The following GNAI1 variants were observed in gnomAD, a reference collection of about 807,000 sequenced individuals.
GNAI1 encodes G protein subunit alpha i1.
A neutral mutation model predicts 38.9 loss-of-function variants in GNAI1; 11 were observed. That is an observed-to-expected ratio of 0.28 (90% CI 0.18 to 0.47). The LOEUF is 0.47. Ranked by LOEUF, GNAI1 falls within the 20% of genes least tolerant of loss-of-function variation. GNAI1 has a pLI of 0.99. For missense variants in GNAI1, 317 were observed against 436.9 expected, an observed-to-expected ratio of 0.73 and a Z score of 2.45; for synonymous variants, 166 against 145.1, an observed-to-expected ratio of 1.14 and a Z score of -1.04.
intron 3 of GNAI1, among the ~76,000 whole-genome samples, chr7:80,192,459 G>A (rs990507361): frequency 2.0e-5 from 3 of 152,088 alleles, no homozygotes; most frequent in African/African-American, 7.2e-5. Flanking sequence ...TAAATTGGGT[G>A]TGTTTCTGGA....
At chr7:80,192,113 CT>C in intron 3 of GNAI1, among the ~76,000 whole-genome samples, 1 of 152,274 alleles carries the variant, frequency 6.6e-6, no homozygotes, top group Middle Eastern at 3.4e-3. Flanking sequence ...ATTGCAAACA[CT>C]TTTGCCTAGC....
chr7:80,150,572 G>C (rs542460705), intron 1 of GNAI1, among the ~76,000 whole-genome samples: 1 of 152,182 alleles, frequency 6.6e-6, no homozygotes, highest in Non-Finnish European at 1.5e-5. Flanking sequence ...CAAATTCAGA[G>C]TGCTGGTTAC....
At chr7:80,195,275 T>A (rs528944070) in intron 3 of GNAI1, among the ~76,000 whole-genome samples, 8 of 152,056 alleles carry the variant, frequency 5.3e-5, no homozygotes, top group African/African-American at 1.2e-4. Flanking sequence ...CATGCTAAAT[T>A]CACTGCAATT....
At chr7:80,178,193 G>A (rs1208044553) in intron 1 of GNAI1, among the ~76,000 whole-genome samples, 3 of 152,196 alleles carry the variant, frequency 2.0e-5, no homozygotes, top group East Asian at 1.9e-4. Context: ...TAAGGAAAGA[G>A]GAATTGCTTC....
intron 1 of GNAI1, among the ~76,000 whole-genome samples, chr7:80,137,384 G>A (rs1296319333): frequency 2.4e-5 from 3 of 124,638 alleles, no homozygotes; most frequent in Non-Finnish European, 4.7e-5. Context: ...GCAGTGGCCC[G>A]ATCTCGGCTC....
chr7:80,199,458 T>G, intron 4 of GNAI1, 76 bp downstream of exon 4: 1 of 1,107,902 alleles, frequency 9.0e-7, no homozygotes, highest in Non-Finnish European at 1.3e-6. Flanking sequence ...AAGTCAATTT[T>G]ACTGCAGAAT....
chr7:80,147,769 G>A (rs1244325514), intron 1 of GNAI1, among the ~76,000 whole-genome samples: 2 of 152,100 alleles, frequency 1.3e-5, no homozygotes, highest in African/African-American at 4.8e-5. Flanking sequence ...AGAACTATTT[G>A]GTGATTAAAC....
At chr7:80,206,777 A>G (rs1173587403) in intron 5 of GNAI1, among the ~76,000 whole-genome samples, 6 of 152,014 alleles carry the variant, frequency 3.9e-5, no homozygotes, top group African/African-American at 1.2e-4. Flanking sequence ...TATATACACC[A>G]TGTTTCTTCG....
At chr7:80,160,779 T>G (rs972626850) in intron 1 of GNAI1, among the ~76,000 whole-genome samples, 5 of 152,198 alleles carry the variant, frequency 3.3e-5, no homozygotes, top group African/African-American at 1.2e-4. Flanking sequence ...GTAAAACAAT[T>G]TGAGTATTTC....
intron 1 of GNAI1, among the ~76,000 whole-genome samples, chr7:80,177,780 T>A (rs2115589013): frequency 6.6e-6 from 1 of 152,318 alleles, no homozygotes; most frequent in Middle Eastern, 3.4e-3. Flanking sequence ...AGCCTAATGT[T>A]GTTTTTACGC....
intron 1 of GNAI1, among the ~76,000 whole-genome samples, chr7:80,154,970 A>G (rs1787793980): frequency 6.6e-6 from 1 of 152,154 alleles, no homozygotes; most frequent in Non-Finnish European, 1.5e-5. Flanking sequence ...CTTTAGTGAG[A>G]TATATTACTA....
intron 7 of GNAI1, among the ~76,000 whole-genome samples, chr7:80,213,073 A>G (rs573030277): frequency 6.6e-6 from 1 of 152,362 alleles, no homozygotes; most frequent in Non-Finnish European, 1.5e-5. Flanking sequence ...TATTCATTTT[A>G]TGGAAAAGCA....
chr7:80,191,792 C>T (rs895623168), intron 3 of GNAI1, among the ~76,000 whole-genome samples: 1 of 152,148 alleles, frequency 6.6e-6, no homozygotes, highest in African/African-American at 2.4e-5. Flanking sequence ...ATAGGTACCA[C>T]AGGTTTGCTT....
At chr7:80,143,509 T>A (rs146995709) in intron 1 of GNAI1, among the ~76,000 whole-genome samples, 61 of 152,282 alleles carry the variant, frequency 4.0e-4, no homozygotes, top group African/African-American at 1.4e-3. Context: ...ATGAATTTAG[T>A]TTTCTAACAT....
At chr7:80,212,687 A>T (rs1215836689) in intron 6 of GNAI1, 29 bp from the exon 7 acceptor site, 4 of 1,413,136 alleles carry the variant, frequency 2.8e-6, no homozygotes, top group Non-Finnish European at 3.7e-6. Context: ...GCTGTTAGTG[A>T]CGATTGGTTT....
intron 4 of GNAI1, among the ~76,000 whole-genome samples, chr7:80,200,702 A>G (rs997579476): frequency 6.6e-6 from 1 of 152,208 alleles, no homozygotes; most frequent in Admixed American, 6.5e-5. Context: ...GAAATAATGA[A>G]TATTGTATCA....
At chr7:80,173,562 C>T (rs1788132791) in intron 1 of GNAI1, among the ~76,000 whole-genome samples, 1 of 152,092 alleles carries the variant, frequency 6.6e-6, no homozygotes, top group African/African-American at 2.4e-5. Context: ...GCCATGCTCC[C>T]CTTCTGCTAT....
chr7:80,171,608 C>G (rs533694037), intron 1 of GNAI1, among the ~76,000 whole-genome samples: 1 of 152,232 alleles, frequency 6.6e-6, no homozygotes, highest in African/African-American at 2.4e-5. Context: ...TTATAGAAAA[C>G]TAGGGTGCAG....
chr7:80,225,879 G>A lies in GNAI1; in HGVS notation c.*8386G>A, dbSNP rs865845003. On this transcript the variant is annotated 3_prime_UTR_variant, in exon 8 of 8. Transcript: ENST00000649796. Reference sequence around the variant, plus strand: ...TTTTAGCTACCCTTGTCCTTGGAATGTGTATGCACACACACACACATCTGT... The same window carrying A: ...TTTTAGCTACCCTTGTCCTTGGAATATGTATGCACACACACACACATCTGT... 6.6e-6 allele frequency among the ~76,000 whole-genome samples: 1 copy of A among 152,158 alleles called. No individual in the cohort carries two copies. The highest frequency in any genetic ancestry group is 6.5e-5 in the Admixed American group (1 of 15,274).
Sources: allele counts gnomAD v4.1 joint callset (sites outside exome capture counted in the v4.1 genomes callset), GRCh38; gene constraint gnomAD v4.1.1; transcripts MANE v1.5; gene names NCBI Gene and HGNC (gene_info 2026-07-23, HGNC 2026-07-21).